MEGF11: variants seen among roughly 807,000 people sequenced by gnomAD.
MEGF11 encodes multiple epidermal growth factor-like domains protein 11.
A neutral mutation model predicts 146.6 loss-of-function variants in MEGF11; 126 were observed. The ratio of observed to expected loss-of-function variants is 0.86; its 90% confidence interval spans 0.74 to 1.00. The LOEUF is 1.00. MEGF11 is among the 50% of genes least tolerant of loss of function. The pLI is 0.00. For synonymous variants in MEGF11, 532 were observed against 583.4 expected, an observed-to-expected ratio of 0.91 and a Z score of 1.27; for missense variants, 1,509 against 1,521.2, an observed-to-expected ratio of 0.99 and a Z score of 0.13.
intron 14 of MEGF11, 129 bp downstream of exon 14, chr15:65,922,694 C>T (rs2079216607): frequency 1.5e-6 from 2 of 1,304,682 alleles, no homozygotes; most frequent in South Asian, 3.0e-5. Flanking sequence ...GAGGGAGAGA[C>T]TAGAGGGAAG....
intron 5 of MEGF11, among the ~76,000 whole-genome samples, chr15:66,088,488 C>T (rs1271769034): frequency 6.6e-6 from 1 of 152,118 alleles, no homozygotes; most frequent in Non-Finnish European, 1.5e-5. Context: ...CCCGTCTCTA[C>T]TAAAAATAGA....
intron 5 of MEGF11, among the ~76,000 whole-genome samples, chr15:66,062,519 C>T (rs12593044): frequency 0.078 from 11,937 of 152,072 alleles, 1,088 homozygotes; most frequent in East Asian, 0.5. Flanking sequence ...TAAATTCTGC[C>T]AACAACCAGA....
At chr15:65,954,586 C>T (rs1245124875) in intron 10 of MEGF11, among the ~76,000 whole-genome samples, 1 of 152,214 alleles carries the variant, frequency 6.6e-6, no homozygotes, top group East Asian at 1.9e-4. Flanking sequence ...CGCTGGGTCT[C>T]ACCAGGGCAG....
intron 10 of MEGF11, among the ~76,000 whole-genome samples, chr15:65,943,413 G>A (rs182883141): frequency 6.6e-6 from 1 of 152,174 alleles, no homozygotes; most frequent in East Asian, 1.9e-4. Context: ...AGGGGCACAG[G>A]CTGGCAACTT....
chr15:66,236,870 C>T (rs1429645053), intron 1 of MEGF11, among the ~76,000 whole-genome samples: 4 of 152,176 alleles, frequency 2.6e-5, no homozygotes, highest in Non-Finnish European at 5.9e-5. Flanking sequence ...AGATGGGCGG[C>T]CCGCTGTAAC....
At chr15:66,088,124 A>G (rs757805792) in intron 5 of MEGF11, among the ~76,000 whole-genome samples, 14 of 152,242 alleles carry the variant, frequency 9.2e-5, no homozygotes, top group Non-Finnish European at 1.9e-4. Context: ...AGTTTAAATC[A>G]GGAAGAATTA....
At chr15:65,963,457 C>A (rs910118300) in intron 9 of MEGF11, among the ~76,000 whole-genome samples, 3 of 152,190 alleles carry the variant, frequency 2.0e-5, no homozygotes, top group Admixed American at 6.5e-5. Context: ...ATTTTCACAT[C>A]TCTGATATTG....
intron 1 of MEGF11, among the ~76,000 whole-genome samples, chr15:66,208,833 T>C (rs1452952451): frequency 6.6e-6 from 1 of 151,712 alleles, no homozygotes; most frequent in African/African-American, 2.4e-5. Context: ...ACCAATATCA[T>C]GCCATTGCGC....
rs564115934 is a variant in MEGF11, at chr15:65,989,141, T to A, written c.395-6653A>T. 4.6e-5 allele frequency among the ~76,000 whole-genome samples: 7 copies of A among 152,248 alleles called. No homozygotes were observed. In the South Asian group the frequency reaches 1.5e-3, roughly 32 times the overall value. On this transcript the variant is annotated intron_variant, in intron 5 of 25. Coordinates refer to ENST00000395614, the MANE Select transcript of MEGF11 (RefSeq NM_001385028.1). ...CCCAGGTGAGAACTCTTTTTTCCCA[T>A]GATCTCTGTTCTCACTGGTCCTCTC...
rs142896747 is a variant in MEGF11, at chr15:66,017,093, C to T, written c.395-34605G>A. On this transcript the variant is annotated intron_variant, in intron 5 of 25. Transcript: ENST00000395614. ...GAAGAGCTGCTGGAGAAGCACAGCC[C>T]GGGTGAGTGCGATCGATTAAATTAT... Among the ~76,000 whole-genome samples the T allele has an allele frequency of 2.5e-3, 376 of 152,232 alleles. 1 individual carries two copies. The highest frequency in any genetic ancestry group is 8.7e-3 in the African/African-American group (360 of 41,524).
chr15:66,231,445 AGGCCCTTCCT>A (rs1396990510), intron 1 of MEGF11, among the ~76,000 whole-genome samples: 1 of 151,630 alleles, frequency 6.6e-6, no homozygotes, highest in African/African-American at 2.4e-5. Flanking sequence ...AAGGCACATG[AGGCCCTTCCT>A]GGGCCCTGCC....
intron 5 of MEGF11, among the ~76,000 whole-genome samples, chr15:66,059,654 C>A (rs937721371): frequency 7.6e-5 from 11 of 145,182 alleles, no homozygotes; most frequent in Non-Finnish European, 1.2e-4. Flanking sequence ...GAAATATGAA[C>A]TGTGCTGGCT....
At chr15:66,016,310 C>G (rs1006305708) in intron 5 of MEGF11, among the ~76,000 whole-genome samples, 9 of 152,088 alleles carry the variant, frequency 5.9e-5, no homozygotes, top group Non-Finnish European at 1.3e-4. Flanking sequence ...GAGTACTTTT[C>G]CTGCAATATT....
chr15:65,897,410 C>G lies in MEGF11; in HGVS notation c.*524G>C, dbSNP rs1340687579. 1 of 152,174 alleles carries G rather than the reference C, an allele frequency of 6.6e-6. No individual in the cohort carries two copies. The highest frequency in any genetic ancestry group is 1.9e-4 in the East Asian group (1 of 5,190). 9.4% of individuals were successfully genotyped at this position (152,174 alleles called of 1,614,324 possible). A position where few individuals can be genotyped will look rare whatever the true frequency, so the allele number is the denominator to read the frequency against. ...GGCTGTTGTAATTTGATGGACCAGACAGATATGTACAGACATTTTAAGACT... is the reference window on the plus strand; with the variant it reads ...GGCTGTTGTAATTTGATGGACCAGAGAGATATGTACAGACATTTTAAGACT... On this transcript the variant is annotated 3_prime_UTR_variant, in exon 26 of 26. Transcript: ENST00000395614.
intron 8 of MEGF11, among the ~76,000 whole-genome samples, chr15:65,966,593 G>A (rs368916676): frequency 2.0e-5 from 3 of 152,276 alleles, no homozygotes; most frequent in East Asian, 3.9e-4. Context: ...AGAATGCCCT[G>A]TGACAAGGCT....
intron 13 of MEGF11, among the ~76,000 whole-genome samples, chr15:65,926,872 G>T (rs1162430628): frequency 1.3e-5 from 2 of 152,116 alleles, no homozygotes; most frequent in East Asian, 3.9e-4. Flanking sequence ...AGATTCTAGG[G>T]TGCCAGTGAC....
chr15:65,897,717 T>G lies in MEGF11; in HGVS notation c.*217A>C. 2.4e-6 allele frequency: 1 copy of G among 418,144 alleles called. No individual in the cohort carries two copies. Among genetic ancestry groups the G allele is most frequent in the Non-Finnish European group, 4.2e-6 (1 of 237,424 alleles). 25.9% of individuals were successfully genotyped at this position (418,144 alleles called of 1,614,324 possible). On this transcript the variant is annotated 3_prime_UTR_variant, in exon 26 of 26. Coordinates refer to ENST00000395614, the MANE Select transcript of MEGF11 (RefSeq NM_001385028.1). ...TTTAAAAATCATATAATCCAGGGCATTTGGGGCTGAGTGGGTGATAGGATT... is the reference window on the plus strand; with the variant it reads ...TTTAAAAATCATATAATCCAGGGCAGTTGGGGCTGAGTGGGTGATAGGATT...
intron 5 of MEGF11, among the ~76,000 whole-genome samples, chr15:66,089,675 G>A (rs528773180): frequency 3.9e-5 from 6 of 152,300 alleles, no homozygotes; most frequent in African/African-American, 9.6e-5. Context: ...ATTGGCTCAC[G>A]TCCTTCTCCG....
In MEGF11 at chr15:66,246,550, C is replaced by A. The variant is rs181064363; in HGVS notation, c.-9+7055G>T. Among the ~76,000 whole-genome samples, 219 of 152,244 alleles carry A rather than the reference C, an allele frequency of 1.4e-3. 1 individual carries two copies. The highest frequency in any genetic ancestry group is 2.4e-3 in the Non-Finnish European group (166 of 68,014). The stretch of plus-strand genomic sequence containing the variant: ...CAGTGCAGTGGCTCACGCCTGTAAT[C>A]TCAGCACTGTGGGAGGCTGAGGTGG... On this transcript the variant is annotated intron_variant, in intron 1 of 25. Coordinates refer to ENST00000395614, the MANE Select transcript of MEGF11 (RefSeq NM_001385028.1).
Sources: gnomAD v4.1 joint callset for allele counts (sites outside exome capture counted in the v4.1 genomes callset) on GRCh38, gnomAD v4.1.1 for gene constraint, MANE v1.5 for transcripts, NCBI Gene and HGNC (gene_info 2026-07-23, HGNC 2026-07-21) for gene names.